COL4A1: variants seen among roughly 807,000 people sequenced by gnomAD.
COL4A1 encodes collagen type IV alpha 1 chain, also known as collagen alpha-1(IV) chain.
A neutral mutation model predicts 216.6 loss-of-function variants in COL4A1; 40 were observed. The ratio of observed to expected loss-of-function variants is 0.18; its 90% CI spans 0.14 to 0.24. The LOEUF (loss-of-function observed/expected upper bound fraction) is 0.24, where lower values mean the gene tolerates loss of function less well. Ranked by LOEUF, COL4A1 falls within the 10% of genes least tolerant of loss-of-function variation. COL4A1 has a pLI of 1.00. For synonymous variants in COL4A1, 839 were observed against 810.7 expected, an observed-to-expected ratio of 1.03 and a Z score of -0.59; for missense variants, 1,628 against 2,196.8, an observed-to-expected ratio of 0.74 and a Z score of 5.18.
intron 1 of COL4A1, among the ~76,000 whole-genome samples, chr13:110,293,429 C>T (rs1456743463): frequency 6.6e-6 from 1 of 152,194 alleles, no homozygotes; most frequent in Non-Finnish European, 1.5e-5. Context: ...CAAGTTAATG[C>T]TACAGTTTCT....
intron 2 of COL4A1, among the ~76,000 whole-genome samples, chr13:110,219,792 GTA>G (rs1214019311): frequency 9.4e-5 from 13 of 138,328 alleles, no homozygotes; most frequent in African/African-American, 2.9e-4. Context: ...GTATATATGT[GTA>G]TATATGTATA....
chr13:110,307,116 G>A lies in COL4A1; in HGVS notation c.-89C>T. 2 of 1,096,798 alleles carry A rather than the reference G, an allele frequency of 1.8e-6. No homozygotes were observed. Among genetic ancestry groups the A allele is most frequent in the East Asian group, 6.5e-5 (2 of 30,606 alleles). The allele number at this position is 1,096,798 out of a possible 1,614,324, so 67.9% of individuals were successfully genotyped here. On this transcript the variant is annotated 5_prime_UTR_variant, in exon 1 of 52. Transcript: ENST00000375820. The surrounding 1 kb of genome is among the most constrained non-coding windows in gnomAD (Gnocchi z 5.0). Reference sequence around the variant, plus strand: ...GCTCTCGGAAGGCCGGACTTCCAGCGCTACGCACCGTCCCGGGTGCGGCGG... The same window carrying A: ...GCTCTCGGAAGGCCGGACTTCCAGCACTACGCACCGTCCCGGGTGCGGCGG...
chr13:110,215,578 AAC>A lies in COL4A1; in HGVS notation c.145-1565_145-1564del, dbSNP rs1333813534. Among the ~76,000 whole-genome samples the A allele has an allele frequency of 1.0e-2, 943 of 94,662 alleles. 19 individuals carry two copies. The highest frequency in any genetic ancestry group is 0.03 in the African/African-American group (888 of 29,296). 62.1% of individuals were successfully genotyped at this position (94,662 alleles called of 152,430 possible). A position where few individuals can be genotyped will look rare whatever the true frequency, so the allele number is the denominator to read the frequency against. On this transcript the variant is annotated intron_variant, in intron 2 of 51. Transcript: ENST00000375820. The stretch of plus-strand genomic sequence containing the variant: ...TCTGTCTCAAAAAAAAAAAAAAAAC[AAC>A]AACCCATAACCATTGTAAGAAATCA...
At chr13:110,261,024 G>C (rs546629290) in intron 1 of COL4A1, among the ~76,000 whole-genome samples, 1 of 36,078 alleles carries the variant, frequency 2.8e-5, no homozygotes, top group African/African-American at 1.2e-4. Context: ...GTGACAGAGC[G>C]AGACTCCGTC....
chr13:110,277,335 A>G (rs1260623248), intron 1 of COL4A1, among the ~76,000 whole-genome samples: 1 of 152,208 alleles, frequency 6.6e-6, no homozygotes, highest in East Asian at 1.9e-4. Context: ...TGTTCTGTCT[A>G]AGCCATTCTT....
At chr13:110,201,562 G>T (rs1594576035) in intron 18 of COL4A1, 40 bp from the exon 19 acceptor site, 3 of 1,527,138 alleles carry the variant, frequency 2.0e-6, no homozygotes, top group Non-Finnish European at 2.7e-6. Context: ...CGTGGCATGG[G>T]AATGGCTAGT....
At chr13:110,254,986 C>T (rs1882445184) in intron 1 of COL4A1, among the ~76,000 whole-genome samples, 1 of 152,198 alleles carries the variant, frequency 6.6e-6, no homozygotes, top group Non-Finnish European at 1.5e-5. Flanking sequence ...TCTCAAGGAG[C>T]TTGCTGGTTA....
At chr13:110,235,360 G>T (rs1165217975) in intron 2 of COL4A1, among the ~76,000 whole-genome samples, 1 of 152,092 alleles carries the variant, frequency 6.6e-6, no homozygotes, top group African/African-American at 2.4e-5. Flanking sequence ...AGCAATAAAA[G>T]AAAGAAGATG....
chr13:110,283,772 A>G (rs1238651205), intron 1 of COL4A1, among the ~76,000 whole-genome samples: 2 of 152,176 alleles, frequency 1.3e-5, no homozygotes, highest in Non-Finnish European at 2.9e-5. Flanking sequence ...ATACTAAGCC[A>G]GGCCTTATGC....
Position 110,232,153 on chromosome 13 carries a change from G to A in COL4A1, c.144+10522C>T, listed in dbSNP as rs188557934. 7.9e-4 allele frequency among the ~76,000 whole-genome samples: 121 copies of A among 152,288 alleles called. 3 individuals are homozygous for A. Among genetic ancestry groups the A allele is most frequent in the Non-Finnish European group, 5.9e-4 (40 of 68,030 alleles). ...GAATCATTGAATTTGGGGCCAGTTA[G>A]CATTAAACTCATAAAACTATGTGAC... On this transcript the variant is annotated intron_variant, in intron 2 of 51. Coordinates refer to ENST00000375820, the MANE Select transcript of COL4A1 (RefSeq NM_001845.6).
intron 2 of COL4A1, among the ~76,000 whole-genome samples, chr13:110,222,069 G>A (rs373814026): frequency 7.9e-5 from 12 of 152,114 alleles, no homozygotes; most frequent in African/African-American, 2.2e-4. Context: ...TCCTGGTCGG[G>A]GCGTCCGTAG....
chr13:110,156,127 T>C (rs182568942), intron 49 of COL4A1, among the ~76,000 whole-genome samples: 1 of 152,292 alleles, frequency 6.6e-6, no homozygotes, highest in Admixed American at 6.5e-5. Flanking sequence ...GTCTGTCTTG[T>C]AGAAGGGGAA....
intron 1 of COL4A1, among the ~76,000 whole-genome samples, chr13:110,302,746 C>A (rs1368477014): frequency 6.6e-6 from 1 of 152,222 alleles, no homozygotes. Context: ...TCATTGTATG[C>A]ATAAGAATGG....
intron 23 of COL4A1, 101 bp downstream of exon 23, chr13:110,192,729 C>A: frequency 1.0e-6 from 1 of 975,442 alleles, no homozygotes; most frequent in South Asian, 1.5e-5. Flanking sequence ...GGATTGGCTG[C>A]CGAAAATCAG....
chr13:110,195,857 C>A (rs551190269), intron 21 of COL4A1, among the ~76,000 whole-genome samples: 1 of 152,292 alleles, frequency 6.6e-6, no homozygotes, highest in African/African-American at 2.4e-5. Flanking sequence ...ACTCATGCAC[C>A]AGCACTGAAG....
rs774022034 is a variant in COL4A1, at chr13:110,186,413, A to G, written c.1869T>C (p.Pro623=). ...PIGDKGQAGF[P]GGPGSPGLPG... Reference sequence around the variant, plus strand: ...GCAGGCCTGGGGATCCAGGGCCTCCAGGAAAGCCTGCTTGTCCTTTGTCAC... The same window carrying G: ...GCAGGCCTGGGGATCCAGGGCCTCCGGGAAAGCCTGCTTGTCCTTTGTCAC... The change falls in exon 26 of 52, where the codon CCT becomes CCC. Residue 623 remains proline (P), a synonymous_variant. Coordinates refer to ENST00000375820, the MANE Select transcript of COL4A1 (RefSeq NM_001845.6). The G allele has an allele frequency of 4.3e-6, 7 of 1,613,448 alleles. No individual in the cohort carries two copies. The East Asian group carries it at 1.6e-4, about 36-fold the overall frequency.
intron 46 of COL4A1, among the ~76,000 whole-genome samples, chr13:110,163,982 CTCTTTTT>C (rs754754944): frequency 5.0e-5 from 5 of 99,386 alleles, no homozygotes; most frequent in African/African-American, 1.8e-4. Context: ...CTTTCTCTCT[CTCTTTTT>C]TTTTTTTTTT....
chr13:110,174,341 C>CT (rs1877777891), intron 39 of COL4A1, 105 bp downstream of exon 39: 1 of 1,250,500 alleles, frequency 8.0e-7, no homozygotes, highest in African/African-American at 1.5e-5. Flanking sequence ...GACAGGACAG[C>CT]TGGCCTCCCT....
rs1220882344 is a variant in COL4A1 at position 110,164,855 on chromosome 13, T to C, written c.4150+7A>G. On this transcript the variant is annotated splice_region_variant and intron_variant, in intron 46 of 51. Transcript: ENST00000375820. ...CATACCGCCCTGCACAGGCCAAGCC[T>C]TCTCACCTTGCTGGCCTTTCGGGCC... 4 of 1,612,918 alleles carry C rather than the reference T, an allele frequency of 2.5e-6. No homozygotes were observed. In the African/African-American group the frequency reaches 4.0e-5, roughly 16 times the overall value.
Sources: allele counts gnomAD v4.1 joint callset (sites outside exome capture counted in the v4.1 genomes callset), GRCh38; gene constraint gnomAD v4.1.1; non-coding constraint Gnocchi (gnomAD v3.1); transcripts MANE v1.5; gene names NCBI Gene and HGNC (gene_info 2026-07-23, HGNC 2026-07-21).